The following GNPTAB variants were observed in gnomAD, a reference collection of about 807,000 sequenced individuals.
GNPTAB encodes N-acetylglucosamine-1-phosphate transferase subunits alpha and beta.
In GNPTAB, 92 loss-of-function variants were observed where a neutral mutation model predicts 136.6. That is an observed-to-expected ratio of 0.67 (90% CI 0.57 to 0.80). The LOEUF (loss-of-function observed/expected upper bound fraction) is 0.80. GNPTAB is among the 30% of genes least tolerant of loss of function. The pLI, the probability that GNPTAB is intolerant of heterozygous loss-of-function variation, is 0.00. For missense variants in GNPTAB, 1,343 were observed against 1,501.8 expected, an observed-to-expected ratio of 0.89 and a Z score of 1.75; for synonymous variants, 512 against 535.1, an observed-to-expected ratio of 0.96 and a Z score of 0.60.
chr12:101,758,289 T>C (rs1005885918), intron 16 of GNPTAB, among the ~76,000 whole-genome samples: 7 of 152,240 alleles, frequency 4.6e-5, no homozygotes, highest in Admixed American at 3.9e-4. Context: ...TCCGCCCGCC[T>C]TGGCCTCCCA....
intron 1 of GNPTAB, among the ~76,000 whole-genome samples, chr12:101,804,321 C>T (rs1869815863): frequency 6.6e-6 from 1 of 150,794 alleles, no homozygotes; most frequent in African/African-American, 2.4e-5. Context: ...TCACACTTGG[C>T]TAAAAGGAAA....
intron 1 of GNPTAB, among the ~76,000 whole-genome samples, chr12:101,797,725 C>T (rs1344084525): frequency 1.3e-5 from 2 of 152,192 alleles, no homozygotes; most frequent in Admixed American, 6.5e-5. Context: ...TTAAACATTT[C>T]AGGAGAAAAT....
intron 7 of GNPTAB, among the ~76,000 whole-genome samples, chr12:101,774,245 A>T (rs1227375393): frequency 6.6e-6 from 1 of 152,242 alleles, no homozygotes; most frequent in Non-Finnish European, 1.5e-5. Flanking sequence ...GGTCAGGAGA[A>T]GCAGTGTTGT....
chr12:101,774,943 G>A (rs1953238374), intron 7 of GNPTAB, among the ~76,000 whole-genome samples: 1 of 152,092 alleles, frequency 6.6e-6, no homozygotes. Context: ...ATATCAAACT[G>A]GTCATTTTTC....
intron 13 of GNPTAB, among the ~76,000 whole-genome samples, chr12:101,762,395 G>A (rs1323333493): frequency 6.6e-6 from 1 of 152,154 alleles, no homozygotes; most frequent in Non-Finnish European, 1.5e-5. Context: ...AAGCACTGTT[G>A]TATACTGTTT....
Position 101,766,124 on chromosome 12 carries a change from A to C in GNPTAB, c.1579T>G (p.Ser527Ala). The C allele has an allele frequency of 6.2e-7, 1 of 1,614,168 alleles. No individual in the cohort carries two copies. The highest frequency in any genetic ancestry group is 8.5e-7 in the Non-Finnish European group (1 of 1,179,994). The change falls in exon 12 of 21, where the codon TCC (serine) becomes GCC (alanine). Residue 527 changes from serine (S) to alanine (A), a missense_variant. By Grantham distance (99) the Ser-to-Ala change is moderately conservative. Coordinates refer to ENST00000299314, the MANE Select transcript of GNPTAB (RefSeq NM_024312.5). Reference protein sequence around the residue: ...KFCDQACNVLSCGFDAGDCGQ... With the variant: ...KFCDQACNVLACGFDAGDCGQ... ...CAGTCGCCAGCATCAAACCCACAGG[A>C]CAAGACATTGCATGCTTGGTCACAG...
intron 1 of GNPTAB, among the ~76,000 whole-genome samples, chr12:101,797,810 T>C (rs1869385078): frequency 6.6e-6 from 1 of 152,200 alleles, no homozygotes; most frequent in Non-Finnish European, 1.5e-5. Context: ...CATCCCATTT[T>C]CTTTTTCATT....
intron 5 of GNPTAB, among the ~76,000 whole-genome samples, chr12:101,781,593 G>A (rs576609717): frequency 2.6e-5 from 4 of 152,302 alleles, no homozygotes; most frequent in South Asian, 4.1e-4. Flanking sequence ...GCTGAGATGG[G>A]AGGATCATCT....
In GNPTAB at chr12:101,752,902, C is replaced by T. The variant is rs145530918; in HGVS notation, c.3602+470G>A. Among the ~76,000 whole-genome samples, 141 of 152,198 alleles carry T rather than the reference C, an allele frequency of 9.3e-4. 1 individual carries two copies. Among genetic ancestry groups the T allele is most frequent in the Admixed American group, 3.0e-3 (46 of 15,294 alleles). On this transcript the variant is annotated intron_variant, in intron 19 of 20. Transcript: ENST00000299314. The stretch of plus-strand genomic sequence containing the variant: ...AAATAAATGTCTTTCAAATATTAAA[C>T]GCAATAAAAATTATAACTATACATT...
intron 7 of GNPTAB, 29 bp from the exon 8 acceptor site, chr12:101,771,186 A>G (rs1466898376): frequency 1.3e-6 from 2 of 1,584,108 alleles, no homozygotes; most frequent in South Asian, 1.1e-5. Context: ...ATTACACATG[A>G]AAAGACTGAA....
chr12:101,764,897 G>A lies in GNPTAB; in HGVS notation c.2020C>T (p.Arg674Cys), dbSNP rs761739718. 6 of 1,614,110 alleles carry A rather than the reference G, an allele frequency of 3.7e-6. No homozygotes were observed. The Admixed American group carries it at 8.3e-5, about 22-fold the overall frequency. ...ILFEDIPKEKRFPKFKRHDVN... is the reference protein window; with the variant it reads ...ILFEDIPKEKCFPKFKRHDVN... ...TCATGTCTCTTAAACTTCGGGAAGC[G>A]TTTTTCTTTGGGAATATCCTCAAAA... is the stretch of plus-strand genomic sequence containing the variant. Residue 674 changes from arginine to cysteine, a missense_variant, in exon 13 of 21, where the codon CGC (arginine) becomes TGC (cysteine). Physicochemically the swap from Arg to Cys is radical, Grantham distance 180 (BLOSUM62 -3). Transcript: ENST00000299314.
At chr12:101,751,733 C>T (rs928279542) in intron 19 of GNPTAB, among the ~76,000 whole-genome samples, 3 of 152,162 alleles carry the variant, frequency 2.0e-5, no homozygotes, top group African/African-American at 2.4e-5. Context: ...AAATATCTTG[C>T]CCAGTACAGT....
intron 5 of GNPTAB, 51 bp downstream of exon 5, chr12:101,785,961 T>C (rs770629653): frequency 7.6e-7 from 1 of 1,319,360 alleles, no homozygotes; most frequent in Non-Finnish European, 1.1e-6. Context: ...ATTTTGTTAT[T>C]CAAACATCCA....
intron 4 of GNPTAB, 32 bp from the exon 5 acceptor site, chr12:101,786,249 C>T: frequency 4.5e-6 from 7 of 1,548,304 alleles, no homozygotes; most frequent in Non-Finnish European, 5.3e-6. Flanking sequence ...CTTACAATTA[C>T]ATTCTTGAAA....
chr12:101,825,385 T>G (rs796794525), intron 1 of GNPTAB, among the ~76,000 whole-genome samples: 4 of 152,132 alleles, frequency 2.6e-5, no homozygotes, highest in African/African-American at 9.7e-5. Context: ...TCAATCACAT[T>G]TGAGAAATAA....
chr12:101,776,919 T>C (rs1415131769), intron 7 of GNPTAB, among the ~76,000 whole-genome samples: 2 of 152,208 alleles, frequency 1.3e-5, no homozygotes, highest in African/African-American at 4.8e-5. Flanking sequence ...GCAAAGTGGT[T>C]CAACAGTTCA....
chr12:101,819,347 C>T (rs984845889), intron 1 of GNPTAB, among the ~76,000 whole-genome samples: 15 of 152,102 alleles, frequency 9.9e-5, no homozygotes, highest in Non-Finnish European at 1.6e-4. Context: ...CCCAGTCTCG[C>T]GTATGTCTTC....
intron 1 of GNPTAB, among the ~76,000 whole-genome samples, chr12:101,804,045 A>G (rs997181193): frequency 6.6e-5 from 10 of 152,008 alleles, no homozygotes; most frequent in African/African-American, 2.4e-4. Context: ...CAGTCTGGGC[A>G]ATATAGTAAG....
intron 3 of GNPTAB, 68 bp downstream of exon 3, chr12:101,789,870 G>A: frequency 7.1e-7 from 1 of 1,400,116 alleles, no homozygotes; most frequent in South Asian, 1.2e-5. Context: ...TATGTGAGAT[G>A]TGCCACCCTC....
Sources: gnomAD v4.1 joint callset for allele counts (sites outside exome capture counted in the v4.1 genomes callset) on GRCh38, gnomAD v4.1.1 for gene constraint, MANE v1.5 for transcripts, NCBI Gene and HGNC (gene_info 2026-07-23, HGNC 2026-07-21) for gene names.